LHFPL3: variants seen among roughly 807,000 people sequenced by gnomAD.
LHFPL3 encodes LHFPL tetraspan subfamily member 3 protein.
A neutral mutation model predicts 19.3 loss-of-function variants in LHFPL3; 5 were observed. The ratio of observed to expected loss-of-function variants is 0.26; its 90% CI spans 0.14 to 0.54. The LOEUF (loss-of-function observed/expected upper bound fraction) is 0.54, where lower values mean the gene tolerates loss of function less well. Ranked by LOEUF, LHFPL3 falls within the 20% of genes least tolerant of loss-of-function variation. LHFPL3 has a pLI of 0.94. For missense variants in LHFPL3, 249 were observed against 307.4 expected, an observed-to-expected ratio of 0.81 and a Z score of 1.42; for synonymous variants, 133 against 126.2, an observed-to-expected ratio of 1.05 and a Z score of -0.36.
At chr7:104,750,924 C>T (rs1794155023) in intron 2 of LHFPL3, among the ~76,000 whole-genome samples, 1 of 151,880 alleles carries the variant, frequency 6.6e-6, no homozygotes, top group Non-Finnish European at 1.5e-5. Flanking sequence ...TCCTTTTTTA[C>T]ATCTTGGACA....
intron 1 of LHFPL3, among the ~76,000 whole-genome samples, chr7:104,588,402 G>C (rs1489593397): frequency 6.6e-6 from 1 of 152,116 alleles, no homozygotes; most frequent in Admixed American, 6.5e-5. Flanking sequence ...GTTTTTGTCA[G>C]GTTTGTCAAA....
intron 1 of LHFPL3, among the ~76,000 whole-genome samples, chr7:104,531,903 C>T (rs965468835): frequency 6.6e-6 from 1 of 152,068 alleles, no homozygotes; most frequent in Admixed American, 6.5e-5. Flanking sequence ...CTCCATGATC[C>T]CAGCCATGTC....
At chr7:104,572,218 T>C (rs1790243692) in intron 1 of LHFPL3, among the ~76,000 whole-genome samples, 1 of 152,194 alleles carries the variant, frequency 6.6e-6, no homozygotes, top group South Asian at 2.1e-4. Context: ...TTGCGTGTAG[T>C]GGCAAAAACT....
At chr7:104,845,557 GC>G (rs1159973690) in intron 2 of LHFPL3, 10 of 1,093,974 alleles carry the variant, frequency 9.1e-6, no homozygotes, top group African/African-American at 1.6e-5. Flanking sequence ...GCATGAAACT[GC>G]CGCTTTCAAG....
At chr7:104,436,931 A>G (rs1276026623) in intron 1 of LHFPL3, among the ~76,000 whole-genome samples, 1 of 152,250 alleles carries the variant, frequency 6.6e-6, no homozygotes. Flanking sequence ...GAGGTGACAC[A>G]TACTTTTCAT....
rs142255108 is a variant in LHFPL3, at chr7:104,413,379, C to A, written c.445+84155C>A. 1.4e-3 allele frequency among the ~76,000 whole-genome samples: 215 copies of A among 152,296 alleles called. 2 individuals carry two copies. The highest frequency in any genetic ancestry group is 4.9e-3 in the African/African-American group (202 of 41,568). On this transcript the variant is annotated intron_variant, in intron 1 of 2. Coordinates refer to ENST00000424859, the MANE Select transcript of LHFPL3 (RefSeq NM_199000.3). ...TTGGTTCCCCTTCTCTGAATCTTCA[C>A]CATCCATCTAAAAACAGTTATACTG...
chr7:104,353,767 G>A (rs1048671750), intron 1 of LHFPL3, among the ~76,000 whole-genome samples: 1 of 152,100 alleles, frequency 6.6e-6, no homozygotes, highest in Non-Finnish European at 1.5e-5. Flanking sequence ...GTAGTTCTGG[G>A]CACTTTATAT....
rs1291449933 is a variant in LHFPL3, at chr7:104,789,620, C to G, written c.682+52709C>G. ...TCAGTGACTCCCACACCCCCTCCCC[C>G]CAATTTTACACTACATTTGTATGTA... On this transcript the variant is annotated intron_variant, in intron 2 of 2. Coordinates refer to ENST00000424859, the MANE Select transcript of LHFPL3 (RefSeq NM_199000.3). Among the ~76,000 whole-genome samples, 4 of 152,194 alleles carry G rather than the reference C, an allele frequency of 2.6e-5. No individual in the cohort carries two copies. The East Asian group carries it at 7.7e-4, about 29-fold the overall frequency.
intron 1 of LHFPL3, among the ~76,000 whole-genome samples, chr7:104,417,071 C>T (rs1791636291): frequency 6.6e-6 from 1 of 152,294 alleles, no homozygotes; most frequent in South Asian, 2.1e-4. Context: ...CCAATGCATG[C>T]TTTGTGGAAG....
chr7:104,845,419 G>A, intron 2 of LHFPL3: 1 of 1,536,022 alleles, frequency 6.5e-7, no homozygotes. Context: ...GGTAGTGTGA[G>A]ACCACACCAT....
At chr7:104,675,120 G>T (rs1316837376) in intron 1 of LHFPL3, among the ~76,000 whole-genome samples, 1 of 152,252 alleles carries the variant, frequency 6.6e-6, no homozygotes, top group Non-Finnish European at 1.5e-5. Flanking sequence ...ATAAAGCAGA[G>T]TGGGAAGGAA....
At chr7:104,811,154 CTTTCTTTCTTTCTTTCT>C in intron 2 of LHFPL3, among the ~76,000 whole-genome samples, 1 of 115,832 alleles carries the variant, frequency 8.6e-6, no homozygotes, top group Non-Finnish European at 1.8e-5. Context: ...CTTTCTTTTT[CTTTCTTTCTTTCTTTCT>C]TTTCTTTTCT....
chr7:104,494,010 A>G (rs1017538761), intron 1 of LHFPL3, among the ~76,000 whole-genome samples: 3 of 152,202 alleles, frequency 2.0e-5, no homozygotes, highest in African/African-American at 7.2e-5. Flanking sequence ...TGCTGACATG[A>G]TAATATATTA....
intron 1 of LHFPL3, among the ~76,000 whole-genome samples, chr7:104,515,169 T>C (rs559147528): frequency 6.6e-6 from 1 of 152,322 alleles, no homozygotes; most frequent in Admixed American, 6.5e-5. Context: ...AAATTTACTC[T>C]TTTGATTTTT....
At chr7:104,637,568 G>A (rs1172986646) in intron 1 of LHFPL3, among the ~76,000 whole-genome samples, 1 of 152,082 alleles carries the variant, frequency 6.6e-6, no homozygotes, top group Non-Finnish European at 1.5e-5. Context: ...TATGGAGTAC[G>A]GAAAGAGTTC....
chr7:104,470,989 G>A (rs1281113492), intron 1 of LHFPL3, among the ~76,000 whole-genome samples: 1 of 152,012 alleles, frequency 6.6e-6, no homozygotes, highest in Non-Finnish European at 1.5e-5. Context: ...TTGTCTTATT[G>A]AAGCTTTCTC....
chr7:104,605,715 T>G (rs370206807), intron 1 of LHFPL3, among the ~76,000 whole-genome samples: 7 of 152,322 alleles, frequency 4.6e-5, no homozygotes, highest in Middle Eastern at 3.4e-3. Flanking sequence ...ATTTTTGGTA[T>G]TCAGTTTACA....
chr7:104,518,040 A>G (rs1317003419), intron 1 of LHFPL3, among the ~76,000 whole-genome samples: 1 of 152,124 alleles, frequency 6.6e-6, no homozygotes, highest in Non-Finnish European at 1.5e-5. Flanking sequence ...CAAAAGTCAA[A>G]TTGATGCTGA....
At chr7:104,430,087 G>C (rs1214154619) in intron 1 of LHFPL3, among the ~76,000 whole-genome samples, 1 of 151,668 alleles carries the variant, frequency 6.6e-6, no homozygotes, top group Non-Finnish European at 1.5e-5. Context: ...GAATAAAAAA[G>C]ATAATAGAAA....
Sources: allele counts gnomAD v4.1 joint callset (sites outside exome capture counted in the v4.1 genomes callset), GRCh38; gene constraint gnomAD v4.1.1; transcripts MANE v1.5; gene names NCBI Gene and HGNC (gene_info 2026-07-23, HGNC 2026-07-21).